UBE2D2: variants seen among roughly 807,000 people sequenced by gnomAD.
The protein encoded by UBE2D2 is ubiquitin-conjugating enzyme E2 D2.
In UBE2D2, 2 loss-of-function variants were observed where a neutral mutation model predicts 24.2. That is an observed-to-expected ratio of 0.08 (90% CI 0.03 to 0.26). UBE2D2 has a LOEUF of 0.26. Among genes scored for constraint, UBE2D2 ranks in the 10% least tolerant of loss-of-function variants. The pLI is 1.00. For synonymous variants in UBE2D2, 58 were observed against 56.5 expected (o/e 1.03, Z -0.12); for missense variants, 44 against 177.6 (o/e 0.25, Z 4.28).
At chr5:139,594,574 C>T (rs145207482) in intron 1 of UBE2D2, among the ~76,000 whole-genome samples, 2,092 of 151,996 alleles carry the variant, frequency 0.014, 50 homozygotes, top group African/African-American at 0.048. Context: ...CCACCACACC[C>T]GACTAATTTT....
At chr5:139,564,725 A>G (rs1753182047) in intron 1 of UBE2D2, among the ~76,000 whole-genome samples, 1 of 152,162 alleles carries the variant, frequency 6.6e-6, no homozygotes, top group Admixed American at 6.6e-5. Context: ...AAGTGCTGGG[A>G]TTGCAGATGT....
chr5:139,607,111 G>A (rs1754216789), intron 2 of UBE2D2, among the ~76,000 whole-genome samples: 1 of 152,070 alleles, frequency 6.6e-6, no homozygotes, highest in Middle Eastern at 3.2e-3. Flanking sequence ...GCCTACTTGA[G>A]CTATTTCTAA....
At chr5:139,539,685 G>A (rs1311550516) in intron 1 of UBE2D2, among the ~76,000 whole-genome samples, 2 of 151,884 alleles carry the variant, frequency 1.3e-5, no homozygotes, top group Non-Finnish European at 2.9e-5. Flanking sequence ...TCTGCCTCCC[G>A]GGTTCAAGCG....
intron 1 of UBE2D2, among the ~76,000 whole-genome samples, chr5:139,537,073 C>T (rs1752692976): frequency 6.6e-6 from 1 of 151,682 alleles, no homozygotes; most frequent in Admixed American, 6.6e-5. Flanking sequence ...GTCCCAGCTA[C>T]TCGGGAGGCT....
chr5:139,615,040 A>C, intron 5 of UBE2D2, 74 bp downstream of exon 5: 3 of 1,358,968 alleles, frequency 2.2e-6, no homozygotes, highest in Non-Finnish European at 3.1e-6. Flanking sequence ...ATTTTTGAAA[A>C]GATTACTTAT....
intron 6 of UBE2D2, among the ~76,000 whole-genome samples, chr5:139,623,938 G>T (rs1368273966): frequency 6.6e-6 from 1 of 152,072 alleles, no homozygotes; most frequent in African/African-American, 2.4e-5. Flanking sequence ...TGATCTGCCT[G>T]CCTAGGCCTC....
chr5:139,577,392 G>C (rs1194575441), intron 1 of UBE2D2, among the ~76,000 whole-genome samples: 1 of 142,572 alleles, frequency 7.0e-6, no homozygotes, highest in East Asian at 2.2e-4. Flanking sequence ...CAGGATGCCA[G>C]TTAGCATCTC....
At chr5:139,556,999 TA>T (rs1752989006), upstream of UBE2D2, among the ~76,000 whole-genome samples, 1 of 147,006 alleles carries the variant, frequency 6.8e-6, no homozygotes, top group Non-Finnish European at 1.5e-5. Context: ...CATGCCCAGC[TA>T]ATTTTTGTAT....
rs1434779273 is a variant in UBE2D2 at position 139,542,147 on chromosome 5, A to ACTG, written c.-64+15537_-64+15539dup. On this transcript the variant is annotated intron_variant, in intron 1 of 6. Transcript: ENST00000511725. ...GGTTGCAGTGAGCTGAGATGGTGTC[A>ACTG]CTGCATTCCACCCTGGGCGACAGAG... Among the ~76,000 whole-genome samples, 3 of 152,288 alleles carry ACTG rather than the reference A, an allele frequency of 2.0e-5. No homozygotes were observed. The East Asian group carries it at 5.8e-4, about 29-fold the overall frequency.
At chr5:139,548,312 C>T (rs1174799956) in intron 1 of UBE2D2, among the ~76,000 whole-genome samples, 1 of 151,696 alleles carries the variant, frequency 6.6e-6, no homozygotes, top group Non-Finnish European at 1.5e-5. Flanking sequence ...TTTCCCACCT[C>T]CTCTATAAGA....
At chr5:139,583,232 C>T (rs1753645377) in intron 1 of UBE2D2, among the ~76,000 whole-genome samples, 1 of 152,132 alleles carries the variant, frequency 6.6e-6, no homozygotes, top group South Asian at 2.1e-4. Flanking sequence ...GCCTAAGCCT[C>T]TCAGAGTGTT....
At chr5:139,550,610 T>C (rs1487242506) in intron 1 of UBE2D2, among the ~76,000 whole-genome samples, 1 of 152,078 alleles carries the variant, frequency 6.6e-6, no homozygotes, top group African/African-American at 2.4e-5. Context: ...GATAACTTGC[T>C]GCTGCTCATT....
At chr5:139,615,102 G>T in intron 5 of UBE2D2, 136 bp downstream of exon 5, 1 of 904,756 alleles carries the variant, frequency 1.1e-6, no homozygotes. Context: ...TGGACCTTGA[G>T]AACTGAAAAC....
chr5:139,614,043 TAG>T (rs1190540946), intron 2 of UBE2D2, among the ~76,000 whole-genome samples: 1 of 138,402 alleles, frequency 7.2e-6, no homozygotes, highest in Admixed American at 7.9e-5. Context: ...GCCTGGGCGA[TAG>T]AGTGAGACTC....
chr5:139,615,824 TC>T (rs1275302534), intron 5 of UBE2D2, among the ~76,000 whole-genome samples: 3 of 149,042 alleles, frequency 2.0e-5, no homozygotes, highest in African/African-American at 7.5e-5. Flanking sequence ...GTTACAATAA[TC>T]TAGATTTTTT....
intron 1 of UBE2D2, among the ~76,000 whole-genome samples, chr5:139,598,295 A>G (rs1374390899): frequency 6.6e-6 from 1 of 152,180 alleles, no homozygotes; most frequent in Non-Finnish European, 1.5e-5. Context: ...GATTTAAAAA[A>G]TCTTAGACTT....
intron 1 of UBE2D2, among the ~76,000 whole-genome samples, chr5:139,585,935 CAAAAAAAAAAAAA>C (rs60277561): frequency 2.0e-3 from 50 of 25,564 alleles, no homozygotes; most frequent in Admixed American, 0.015. Context: ...GACTCTGTCT[CAAAAAAAAAAAAA>C]AAAAAAAAAA....
intron 1 of UBE2D2, among the ~76,000 whole-genome samples, chr5:139,572,001 T>C (rs918051447): frequency 6.6e-5 from 10 of 152,190 alleles, no homozygotes; most frequent in Admixed American, 4.6e-4. Flanking sequence ...TTCCTCATCT[T>C]TATCCTTCCC....
At chr5:139,590,769 AT>A (rs1753828391) in intron 1 of UBE2D2, among the ~76,000 whole-genome samples, 1 of 46,512 alleles carries the variant, frequency 2.1e-5, no homozygotes, top group Non-Finnish European at 4.6e-5. Context: ...CATGGTGGGT[AT>A]TTTCTCTTCT....
Sources: gnomAD v4.1 joint callset for allele counts (sites outside exome capture counted in the v4.1 genomes callset) on GRCh38, gnomAD v4.1.1 for gene constraint, MANE v1.5 for transcripts, NCBI Gene and HGNC (gene_info 2026-07-23, HGNC 2026-07-21) for gene names.